ATP11A: variants seen among roughly 807,000 people sequenced by gnomAD.
The protein encoded by ATP11A is phospholipid-transporting ATPase IH.
Under a neutral mutation model 154.4 loss-of-function variants are expected in ATP11A, and 81 were observed. The observed-to-expected ratio is 0.52, with a 90% CI of 0.44 to 0.63. The LOEUF is 0.63. ATP11A is among the 30% of genes least tolerant of loss of function. ATP11A has a pLI of 0.00. For missense variants in ATP11A, 1,316 were observed against 1,474.3 expected (o/e 0.89, Z 1.76); for synonymous variants, 623 against 585.9 (o/e 1.06, Z -0.91).
rs763324709 is a variant in ATP11A, at chr13:112,881,999, C to T, written c.*133C>T. 2.2e-6 allele frequency: 3 copies of T among 1,367,808 alleles called. No individual in the cohort carries two copies. Among genetic ancestry groups the T allele is most frequent in the Non-Finnish European group, 2.9e-6 (3 of 1,021,990 alleles). 84.7% of individuals were successfully genotyped at this position (1,367,808 alleles called of 1,614,324 possible). A position where few individuals can be genotyped will look rare whatever the true frequency, so the allele number is the denominator to read the frequency against. On this transcript the variant is annotated 3_prime_UTR_variant, in exon 30 of 30. Transcript: ENST00000375645. The stretch of plus-strand genomic sequence containing the variant: ...GCCCCCACCCATCCTCGGCGGTTCC[C>T]ATCACCACTGCAGTTCCATCCCAAG...
intron 4 of ATP11A, 101 bp downstream of exon 4, chr13:112,806,394 G>A (rs2078323558): frequency 2.3e-6 from 2 of 886,408 alleles, no homozygotes; most frequent in Non-Finnish European, 1.8e-6. Context: ...CTAGTTCACA[G>A]AAAATTCAAC....
intron 1 of ATP11A, among the ~76,000 whole-genome samples, chr13:112,721,822 T>C (rs1889224199): frequency 6.6e-6 from 1 of 152,106 alleles, no homozygotes; most frequent in African/African-American, 2.4e-5. Flanking sequence ...TTCAGATTAG[T>C]ATGAGCAAAA....
intron 1 of ATP11A, among the ~76,000 whole-genome samples, chr13:112,720,176 C>A (rs1888989222): frequency 6.6e-6 from 1 of 152,182 alleles, no homozygotes; most frequent in Non-Finnish European, 1.5e-5. Flanking sequence ...CTGAGGCAGT[C>A]AGATCACAGT....
At chr13:112,867,463 G>T (rs2080373925) in intron 25 of ATP11A, among the ~76,000 whole-genome samples, 1 of 152,208 alleles carries the variant, frequency 6.6e-6, no homozygotes. Flanking sequence ...TGTCCTAGGA[G>T]GGCAGCCCGG....
chr13:112,715,238 G>A (rs963008314), intron 1 of ATP11A, among the ~76,000 whole-genome samples: 3 of 152,064 alleles, frequency 2.0e-5, no homozygotes, highest in Non-Finnish European at 2.9e-5. Flanking sequence ...CCCCAAACTC[G>A]ATTGCAGAAG....
Position 112,882,695 on chromosome 13 carries a change from C to A in ATP11A, c.*829C>A. 1 of 400,024 alleles carries A rather than the reference C, an allele frequency of 2.5e-6. No homozygotes were observed. The highest frequency in any genetic ancestry group is 4.4e-6 in the Non-Finnish European group (1 of 227,146). The allele number at this position is 400,024 out of a possible 1,614,324, so 24.8% of individuals were successfully genotyped here. ...GAGGACAAGGCCACGCCGGCAGCTTCCAGCCCTGCCGCAGAAGTGCCAGGA... is the reference window on the plus strand; with the variant it reads ...GAGGACAAGGCCACGCCGGCAGCTTACAGCCCTGCCGCAGAAGTGCCAGGA... On this transcript the variant is annotated 3_prime_UTR_variant, in exon 30 of 30. Transcript: ENST00000375645. The surrounding 1 kb of genome is among the most constrained non-coding windows in gnomAD (Gnocchi z 5.1).
chr13:112,819,336 C>T lies in ATP11A; in HGVS notation c.603C>T (p.Phe201=). The change falls in exon 7 of 30, where the codon TTC becomes TTT. Residue 201 remains phenylalanine (F), a synonymous_variant. Transcript: ENST00000375645. ...THYAVQDTKG[F]HTEEDIGGLH... Reference sequence around the variant, plus strand: ...ACGCGGTCCAGGACACCAAAGGCTTCCACACAGAGGAGGATATCGGCGGAC... The same window carrying T: ...ACGCGGTCCAGGACACCAAAGGCTTTCACACAGAGGAGGATATCGGCGGAC... 1 of 1,614,240 alleles carries T rather than the reference C, an allele frequency of 6.2e-7. No homozygotes were observed. The highest frequency in any genetic ancestry group is 8.5e-7 in the Non-Finnish European group (1 of 1,180,044).
At position 112,731,093 on chromosome 13, in the gene ATP11A, C is replaced by T. The variant is rs145591446; in HGVS notation, c.39+40638C>T. 9.4e-3 allele frequency among the ~76,000 whole-genome samples: 1,434 copies of T among 152,096 alleles called. 40 individuals carry two copies. The highest frequency in any genetic ancestry group is 0.033 in the African/African-American group (1,380 of 41,410). ...TGGGATTACAGGTGCCCACACCACG[C>T]CCAGATAATTTTTGTATTTGTAGTA... On this transcript the variant is annotated intron_variant, in intron 1 of 29. Transcript: ENST00000375645.
chr13:112,847,939 A>G (rs933448927), intron 17 of ATP11A, among the ~76,000 whole-genome samples: 2 of 152,196 alleles, frequency 1.3e-5, no homozygotes, highest in African/African-American at 4.8e-5. Flanking sequence ...TACAAAAGGA[A>G]AATCAGCCAG....
At chr13:112,845,270 CGGT>C (rs2079552880) in intron 17 of ATP11A, among the ~76,000 whole-genome samples, 2 of 123,710 alleles carry the variant, frequency 1.6e-5, no homozygotes, top group Admixed American at 7.8e-5. Context: ...CCAGCACTAG[CGGT>C]ACTATTCAGT....
chr13:112,731,769 C>T (rs1043536386), intron 1 of ATP11A, among the ~76,000 whole-genome samples: 1 of 152,170 alleles, frequency 6.6e-6, no homozygotes, highest in East Asian at 1.9e-4. Context: ...ATGCTACGAA[C>T]ATATCACATC....
chr13:112,788,350 G>T (rs113076069), intron 2 of ATP11A, among the ~76,000 whole-genome samples: 11 of 149,146 alleles, frequency 7.4e-5, no homozygotes, highest in East Asian at 4.1e-4. Flanking sequence ...CCCCTGTGGA[G>T]ACCTACTTAA....
intron 2 of ATP11A, among the ~76,000 whole-genome samples, chr13:112,793,809 G>A (rs145876063): frequency 0.011 from 1,631 of 152,352 alleles, 35 homozygotes; most frequent in African/African-American, 0.037. Context: ...GACAGTGCCC[G>A]GGTTCGTCTC....
At chr13:112,698,255 C>T (rs762222447) in intron 1 of ATP11A, among the ~76,000 whole-genome samples, 1 of 151,218 alleles carries the variant, frequency 6.6e-6, no homozygotes, top group African/African-American at 2.5e-5. Context: ...GGTCGGTGCT[C>T]TCCACTGGCC....
At chr13:112,755,034 AG>A (rs570958959) in intron 1 of ATP11A, among the ~76,000 whole-genome samples, 1 of 152,234 alleles carries the variant, frequency 6.6e-6, no homozygotes, top group Non-Finnish European at 1.5e-5. Flanking sequence ...CCTAGTAGCC[AG>A]GGCGCCGTCG....
rs36048052 is a variant in ATP11A, at chr13:112,882,153, G to A, written c.*287G>A. On this transcript the variant is annotated 3_prime_UTR_variant, in exon 30 of 30. Coordinates refer to ENST00000375645, the MANE Select transcript of ATP11A (RefSeq NM_015205.3). The surrounding 1 kb of genome is among the most constrained non-coding windows in gnomAD (Gnocchi z 5.1). ...GGGGGGTCACAGGCCTTGCCCTCGAGCATGGCACCCTGGCCGCCTGGACCC... is the reference window on the plus strand; with the variant it reads ...GGGGGGTCACAGGCCTTGCCCTCGAACATGGCACCCTGGCCGCCTGGACCC... The A allele has an allele frequency of 0.21, 274,867 of 1,304,194 alleles. 30,531 individuals are homozygous for A. The highest frequency in any genetic ancestry group is 0.26 in the Admixed American group (13,008 of 49,572). The allele number at this position is 1,304,194 out of a possible 1,614,324, so 80.8% of individuals were successfully genotyped here.
At chr13:112,732,793 T>G (rs1052504060) in intron 1 of ATP11A, among the ~76,000 whole-genome samples, 3 of 152,182 alleles carry the variant, frequency 2.0e-5, no homozygotes, top group Non-Finnish European at 4.4e-5. Flanking sequence ...TATATTTTTT[T>G]GTCGAGATGG....
intron 13 of ATP11A, 61 bp downstream of exon 13, chr13:112,831,609 G>A: frequency 1.1e-5 from 17 of 1,565,028 alleles, no homozygotes; most frequent in Non-Finnish European, 1.5e-5. Flanking sequence ...TGCATGCTGA[G>A]TCCACCCCTT....
chr13:112,724,356 G>C (rs1420171095), intron 1 of ATP11A, among the ~76,000 whole-genome samples: 2 of 151,866 alleles, frequency 1.3e-5, no homozygotes, highest in African/African-American at 2.4e-5. Flanking sequence ...AGGGCCCTGT[G>C]ACTCAGGGTT....
Sources: allele counts gnomAD v4.1 joint callset (sites outside exome capture counted in the v4.1 genomes callset), GRCh38; gene constraint gnomAD v4.1.1; non-coding constraint Gnocchi (gnomAD v3.1); transcripts MANE v1.5; gene names NCBI Gene and HGNC (gene_info 2026-07-23, HGNC 2026-07-21).